Variants in SEC16B observed in about 807,000 individuals in gnomAD.
SEC16B encodes SEC16 homolog B, endoplasmic reticulum export factor, also known as protein transport protein Sec16B.
SEC16B carries 115 observed loss-of-function variants against 141.8 expected under a neutral mutation model. That is an observed-to-expected ratio of 0.81 (90% CI 0.70 to 0.95). The LOEUF is 0.95. SEC16B is among the 40% of genes least tolerant of loss of function. The pLI, the probability that SEC16B is intolerant of heterozygous loss-of-function variation, is 0.00. For synonymous variants in SEC16B, 493 were observed against 492.5 expected, an observed-to-expected ratio of 1.00 and a Z score of -0.01; for missense variants, 1,291 against 1,312.3, an observed-to-expected ratio of 0.98 and a Z score of 0.25.
At chr1:177,976,502 C>G (rs1235209911) in intron 1 of SEC16B, among the ~76,000 whole-genome samples, 2 of 152,122 alleles carry the variant, frequency 1.3e-5, no homozygotes, top group African/African-American at 4.8e-5. Flanking sequence ...ACTTGGTGGT[C>G]CTGGAATAAA....
At position 177,930,565 on chromosome 1, in the gene SEC16B, TG is replaced by T; in HGVS notation, c.3090del (p.Tyr1030Ter). 1.2e-6 allele frequency: 2 copies of T among 1,613,694 alleles called. No individual in the cohort carries two copies. Among genetic ancestry groups the T allele is most frequent in the Non-Finnish European group, 1.7e-6 (2 of 1,179,798 alleles). Reference sequence around the variant, plus strand: ...CTTACCTGAGGCACCTGAGATGGGTTGTAAAGAGGAACAGCCCCTTTTAAGG... The same window carrying T: ...CTTACCTGAGGCACCTGAGATGGGTTTAAAGAGGAACAGCCCCTTTTAAGG... ...PPALKGAVPL[Y>X]NPSQVPQLPT... On this transcript the variant is annotated frameshift_variant, in exon 25 of 26. Coordinates refer to ENST00000308284, the MANE Select transcript of SEC16B (RefSeq NM_033127.4). LOFTEE classifies it high-confidence loss of function.
intron 25 of SEC16B, 110 bp from the exon 26 acceptor site, chr1:177,930,039 T>G: frequency 9.5e-7 from 1 of 1,054,370 alleles, no homozygotes; most frequent in Non-Finnish European, 1.4e-6. Flanking sequence ...GTAGAACATT[T>G]CCCAAGGTTG....
chr1:177,936,386 G>T, intron 19 of SEC16B, 21 bp from the exon 20 acceptor site: 1 of 1,593,658 alleles, frequency 6.3e-7, no homozygotes, highest in Non-Finnish European at 8.6e-7. Flanking sequence ...AACAGAAATG[G>T]AAATAGCAAT....
intron 1 of SEC16B, among the ~76,000 whole-genome samples, chr1:177,980,037 C>A (rs1317935383): frequency 6.6e-6 from 1 of 152,158 alleles, no homozygotes; most frequent in Non-Finnish European, 1.5e-5. Flanking sequence ...GGCTAAAGTT[C>A]ACTATTTTCT....
Position 177,964,267 on chromosome 1 carries a change from C to T in SEC16B, c.546G>A (p.Arg182=), listed in dbSNP as rs1377677867. The change falls in exon 5 of 26, where the codon AGG becomes AGA. Residue 182 remains arginine (R), a synonymous_variant. Coordinates refer to ENST00000308284, the MANE Select transcript of SEC16B (RefSeq NM_033127.4). Reference sequence around the variant, plus strand: ...AAGCAGGGCTGTCTTTACAAGGGTTCCTACTGTTAGATCTGCAGCAAAATG... The same window carrying T: ...AAGCAGGGCTGTCTTTACAAGGGTTTCTACTGTTAGATCTGCAGCAAAATG... The part of the protein sequence containing the change: ...NSETHFQSNS[R]NPCKDSPASN... 5 of 1,612,578 alleles carry T rather than the reference C, an allele frequency of 3.1e-6. No homozygotes were observed. The highest frequency in any genetic ancestry group is 1.6e-4 in the Middle Eastern group (1 of 6,082).
intron 22 of SEC16B, 84 bp from the exon 23 acceptor site, chr1:177,932,890 C>T (rs1052326597): frequency 4.4e-5 from 58 of 1,330,240 alleles, no homozygotes; most frequent in Non-Finnish European, 5.9e-5. Flanking sequence ...CCCACACTCA[C>T]GATGGCGGCC....
intron 1 of SEC16B, among the ~76,000 whole-genome samples, chr1:177,979,741 C>T (rs1318071545): frequency 6.6e-6 from 1 of 152,184 alleles, no homozygotes; most frequent in Non-Finnish European, 1.5e-5. Context: ...GCTGAGGAGG[C>T]CTCACAATCA....
At chr1:177,971,734 T>C (rs1359282612), upstream of SEC16B, among the ~76,000 whole-genome samples, 4 of 152,202 alleles carry the variant, frequency 2.6e-5, no homozygotes, top group Admixed American at 2.6e-4. Flanking sequence ...AGTGAAATGA[T>C]TTACCCAAGA....
At position 177,944,599 on chromosome 1, in the gene SEC16B, TCTGACAGTA is replaced by T; in HGVS notation, c.1834_1842del (p.Tyr612_Gln614del). ...ATGAAGGATTTGGGGCGGCCCAGCA[TCTGACAGTA>T]CTCGAAGATTTCCGTCCTCTGGATT... On this transcript the variant is annotated inframe_deletion, in exon 15 of 26. Transcript: ENST00000308284. 6.2e-7 allele frequency: 1 copy of T among 1,613,948 alleles called. No homozygotes were observed. Among genetic ancestry groups the T allele is most frequent in the East Asian group, 2.2e-5 (1 of 44,886 alleles).
chr1:177,968,905 A>G (rs1571354110), intron 1 of SEC16B, among the ~76,000 whole-genome samples: 2 of 152,278 alleles, frequency 1.3e-5, no homozygotes, highest in East Asian at 3.9e-4. Flanking sequence ...CCTAGCATCA[A>G]ACTAATTTTC....
chr1:177,933,993 C>T (rs1650650445), intron 20 of SEC16B, among the ~76,000 whole-genome samples: 1 of 150,340 alleles, frequency 6.7e-6, no homozygotes, highest in Admixed American at 6.6e-5. Flanking sequence ...ACAAGCTCCC[C>T]CCAAAAAAAA....
rs750603041 is a variant in SEC16B, at chr1:177,960,337, T to C, written c.998+5A>G. The C allele has an allele frequency of 6.3e-7, 1 of 1,586,790 alleles. No homozygotes were observed. Among genetic ancestry groups the C allele is most frequent in the South Asian group, 1.1e-5 (1 of 89,014 alleles). ...CCTTACTCAGCAGCTCTTACAGCAC[T>C]ATACCTAATCAAGGGTCCTGAGAAA... On this transcript the variant is annotated splice_donor_5th_base_variant and intron_variant, in intron 8 of 25. Coordinates refer to ENST00000308284, the MANE Select transcript of SEC16B (RefSeq NM_033127.4).
intron 1 of SEC16B, among the ~76,000 whole-genome samples, chr1:177,977,614 G>T (rs11576081): frequency 0.14 from 20,825 of 152,086 alleles, 1,784 homozygotes; most frequent in East Asian, 0.42. Flanking sequence ...CAGTCACATG[G>T]GACTCGGACT....
chr1:177,974,062 T>C (rs925066509), upstream of SEC16B, among the ~76,000 whole-genome samples: 1 of 152,026 alleles, frequency 6.6e-6, no homozygotes, highest in Admixed American at 6.6e-5. Context: ...CTGTAGAAGA[T>C]GAGGGAGAAG....
chr1:177,940,406 C>T (rs1375396464), intron 17 of SEC16B, among the ~76,000 whole-genome samples: 1 of 152,152 alleles, frequency 6.6e-6, no homozygotes, highest in African/African-American at 2.4e-5. Flanking sequence ...AACGCTTCCA[C>T]ACAGGGGACA....
chr1:177,976,236 A>G (rs368908160), intron 1 of SEC16B, among the ~76,000 whole-genome samples: 1 of 152,280 alleles, frequency 6.6e-6, no homozygotes, highest in East Asian at 1.9e-4. Context: ...GAATGACTCT[A>G]TGCTTCCTTA....
intron 18 of SEC16B, among the ~76,000 whole-genome samples, chr1:177,938,927 A>G (rs2101913983): frequency 6.6e-6 from 1 of 152,364 alleles, no homozygotes; most frequent in South Asian, 2.1e-4. Context: ...CAGGACTGGC[A>G]TGGGTGGCCA....
intron 12 of SEC16B, chr1:177,948,346 C>G: frequency 7.7e-7 from 1 of 1,304,508 alleles, no homozygotes; most frequent in South Asian, 1.2e-5. Flanking sequence ...AGGCCACAGC[C>G]TGTCACAGAA....
In SEC16B at chr1:177,958,981, T is replaced by G. The variant is rs114352755; in HGVS notation, c.999-6A>C. 2 of 1,611,268 alleles carry G rather than the reference T, an allele frequency of 1.2e-6. No homozygotes were observed. The highest frequency in any genetic ancestry group is 2.7e-5 in the African/African-American group (2 of 74,832). On this transcript the variant is annotated splice_region_variant and splice_polypyrimidine_tract_variant and intron_variant, in intron 8 of 25. Coordinates refer to ENST00000308284, the MANE Select transcript of SEC16B (RefSeq NM_033127.4). ...CCACCTTATGTACATCTTCCCTACATGGAAAAAATTTAGGGAGCAAAGAGT... is the reference window on the plus strand; with the variant it reads ...CCACCTTATGTACATCTTCCCTACAGGGAAAAAATTTAGGGAGCAAAGAGT...
Sources: gnomAD v4.1 joint callset for allele counts (sites outside exome capture counted in the v4.1 genomes callset) on GRCh38, gnomAD v4.1.1 for gene constraint, MANE v1.5 for transcripts, NCBI Gene and HGNC (gene_info 2026-07-23, HGNC 2026-07-21) for gene names.